The following DPP6 variants were observed in gnomAD, a reference collection of about 807,000 sequenced individuals.
DPP6 encodes A-type potassium channel modulatory protein DPP6.
A neutral mutation model predicts 122.6 loss-of-function variants in DPP6; 69 were observed. The observed-to-expected ratio is 0.56, with a 90% CI of 0.46 to 0.69. DPP6 has a LOEUF of 0.69. Among genes scored for constraint, DPP6 ranks in the 30% least tolerant of loss-of-function variants. DPP6 has a pLI of 0.00. For missense variants in DPP6, 928 were observed against 1,116.9 expected (o/e 0.83, Z 2.41); for synonymous variants, 418 against 433.1 (o/e 0.97, Z 0.43).
rs534244233 is a variant in DPP6, at chr7:154,063,031, C to T, written c.243+9968C>T. ...CCCCCCTGGCTCTGAGGAACCCCATCACAGGAGGGGGAGGCACCCCCCACG... is the reference window on the plus strand; with the variant it reads ...CCCCCCTGGCTCTGAGGAACCCCATTACAGGAGGGGGAGGCACCCCCCACG... On this transcript the variant is annotated intron_variant, in intron 1 of 25. Transcript: ENST00000377770. 1.7e-3 allele frequency among the ~76,000 whole-genome samples: 215 copies of T among 126,284 alleles called. 9 individuals carry two copies. Among genetic ancestry groups the T allele is most frequent in the South Asian group, 4.1e-3 (14 of 3,444 alleles). 82.8% of individuals were successfully genotyped at this position (126,284 alleles called of 152,430 possible).
intron 1 of DPP6, among the ~76,000 whole-genome samples, chr7:154,420,493 C>T (rs568222786): frequency 2.6e-5 from 4 of 151,980 alleles, no homozygotes; most frequent in Non-Finnish European, 4.4e-5. Context: ...TTGTGGTTGC[C>T]AGGCACTGGG....
At chr7:154,015,389 T>C (rs1403136491) in intron 1 of DPP6, among the ~76,000 whole-genome samples, 2 of 152,160 alleles carry the variant, frequency 1.3e-5, no homozygotes, top group Non-Finnish European at 2.9e-5. Context: ...TCTCATATAC[T>C]GGCCATATGA....
intron 1 of DPP6, among the ~76,000 whole-genome samples, chr7:153,976,423 T>G (rs1796305246): frequency 6.6e-6 from 1 of 152,168 alleles, no homozygotes; most frequent in African/African-American, 2.4e-5. Flanking sequence ...CAACCCTGGT[T>G]TAAAGTAAAG....
intron 1 of DPP6, among the ~76,000 whole-genome samples, chr7:153,936,268 C>A (rs1339611921): frequency 6.6e-6 from 1 of 151,982 alleles, no homozygotes; most frequent in East Asian, 1.9e-4. Context: ...AAACACCTCT[C>A]AGTATATGAA....
intron 1 of DPP6, among the ~76,000 whole-genome samples, chr7:154,121,429 TG>T (rs1322162212): frequency 5.9e-5 from 9 of 152,216 alleles, no homozygotes; most frequent in African/African-American, 2.2e-4. Context: ...TTCCAATTAC[TG>T]TTTTTATTGC....
chr7:154,176,750 G>A (rs1378653835), intron 1 of DPP6, among the ~76,000 whole-genome samples: 1 of 152,232 alleles, frequency 6.6e-6, no homozygotes, highest in Non-Finnish European at 1.5e-5. Context: ...CGGAAGAGTC[G>A]AGCAGGCAGC....
chr7:154,761,311 G>A (rs760693434), intron 8 of DPP6, among the ~76,000 whole-genome samples: 94 of 152,298 alleles, frequency 6.2e-4, no homozygotes, highest in Non-Finnish European at 8.5e-4. Flanking sequence ...CATGGCTGAC[G>A]CTGGCTGCTA....
chr7:154,776,116 G>A (rs1237081735), intron 10 of DPP6, among the ~76,000 whole-genome samples: 1 of 151,828 alleles, frequency 6.6e-6, no homozygotes, highest in African/African-American at 2.4e-5. Context: ...CGTACCCGCT[G>A]CTCCCAGACA....
intron 8 of DPP6, among the ~76,000 whole-genome samples, chr7:154,756,552 G>C (rs1379043633): frequency 6.6e-6 from 1 of 152,126 alleles, no homozygotes; most frequent in Non-Finnish European, 1.5e-5. Context: ...CTTGCCCATG[G>C]TCACAGCTGG....
chr7:154,147,925 C>T (rs184018220), intron 1 of DPP6, among the ~76,000 whole-genome samples: 1 of 151,800 alleles, frequency 6.6e-6, no homozygotes, highest in African/African-American at 2.4e-5. Context: ...GCAGTGCTTT[C>T]GATAGCCCAA....
chr7:153,835,243 G>C, the DPP6 span, among the ~76,000 whole-genome samples: 1 of 152,094 alleles, frequency 6.6e-6, no homozygotes, highest in Non-Finnish European at 1.5e-5. Context: ...ATGCTGACGT[G>C]GCTTTTAAGT....
At chr7:154,357,201 G>A (rs2151090613) in intron 1 of DPP6, among the ~76,000 whole-genome samples, 1 of 149,682 alleles carries the variant, frequency 6.7e-6, no homozygotes, top group South Asian at 2.1e-4. Flanking sequence ...ATACACAGTA[G>A]TTTTCTTTGA....
the DPP6 span, among the ~76,000 whole-genome samples, chr7:153,755,694 C>T: frequency 2.0e-5 from 3 of 152,022 alleles, no homozygotes; most frequent in Admixed American, 6.5e-5. Context: ...GAGCAGCCTC[C>T]TCCTCCTCTT....
intron 9 of DPP6, among the ~76,000 whole-genome samples, 160 bp downstream of exon 9, chr7:154,769,731 G>A (rs978040914): frequency 7.9e-5 from 12 of 152,072 alleles, no homozygotes; most frequent in East Asian, 3.9e-4. Flanking sequence ...TTACATTCCC[G>A]CCTCTGTTGA....
At chr7:154,700,571 G>T (rs991699554) in intron 7 of DPP6, among the ~76,000 whole-genome samples, 1 of 152,192 alleles carries the variant, frequency 6.6e-6, no homozygotes, top group Non-Finnish European at 1.5e-5. Context: ...TCTTGGGCTG[G>T]TTCAGCCTTC....
At chr7:154,103,797 C>T (rs1805937169) in intron 1 of DPP6, among the ~76,000 whole-genome samples, 1 of 152,244 alleles carries the variant, frequency 6.6e-6, no homozygotes, top group Non-Finnish European at 1.5e-5. Flanking sequence ...TTCAGCTTCT[C>T]CTGCCCTTGG....
chr7:154,098,259 G>A (rs180897701), intron 1 of DPP6, among the ~76,000 whole-genome samples: 15,163 of 152,046 alleles, frequency 0.1, 788 homozygotes, highest in African/African-American at 0.16. Flanking sequence ...TCCTGCTGCC[G>A]TGTGAAGAAG....
chr7:154,281,059 CTGGCACACAG>C (rs1298358242), intron 1 of DPP6, among the ~76,000 whole-genome samples: 2 of 151,694 alleles, frequency 1.3e-5, no homozygotes, highest in Admixed American at 6.6e-5. Flanking sequence ...GTCACCCAGG[CTGGCACACAG>C]TGGCACAATC....
At chr7:153,874,555 T>C in the DPP6 span, among the ~76,000 whole-genome samples, 2 of 152,094 alleles carry the variant, frequency 1.3e-5, no homozygotes, top group South Asian at 4.2e-4. Flanking sequence ...TTTGTATTTT[T>C]AGTAAAGACA....
Sources: gnomAD v4.1 joint callset for allele counts (sites outside exome capture counted in the v4.1 genomes callset) on GRCh38, gnomAD v4.1.1 for gene constraint, MANE v1.5 for transcripts, NCBI Gene and HGNC (gene_info 2026-07-23, HGNC 2026-07-21) for gene names.